The following ADRA1A variants were observed in gnomAD, a reference collection of about 807,000 sequenced individuals.
ADRA1A encodes adrenoceptor alpha 1A.
Under a neutral mutation model 29.6 loss-of-function variants are expected in ADRA1A, and 31 were observed. That is an observed-to-expected ratio of 1.05 (90% confidence interval 0.79 to 1.41). ADRA1A has a LOEUF of 1.41. Among genes scored for constraint, ADRA1A ranks in the 40% most tolerant of loss-of-function variants. ADRA1A has a pLI of 0.00. For missense variants in ADRA1A, 619 were observed against 601.1 expected (o/e 1.03, Z -0.31); for synonymous variants, 311 against 254.3 (o/e 1.22, Z -2.12).
Position 26,775,993 on chromosome 8 carries a change from C to T in ADRA1A, c.884-5327G>A, listed in dbSNP as rs1338420521. 2.0e-5 allele frequency among the ~76,000 whole-genome samples: 3 copies of T among 152,158 alleles called. No homozygotes were observed. The highest frequency in any genetic ancestry group is 7.2e-5 in the African/African-American group (3 of 41,442). Reference sequence around the variant, plus strand: ...CTGACTTCATTTTTGAACTGGGGCTCATCTAATAGGCTTATGAGGGGGCAC... The same window carrying T: ...CTGACTTCATTTTTGAACTGGGGCTTATCTAATAGGCTTATGAGGGGGCAC... On this transcript the variant is annotated intron_variant, in intron 2 of 2. Transcript: ENST00000380573. The surrounding 1 kb of genome is among the most constrained non-coding windows in gnomAD (Gnocchi z 4.1).
intron 2 of ADRA1A, among the ~76,000 whole-genome samples, chr8:26,834,021 A>G (rs1811173646): frequency 6.6e-6 from 1 of 152,228 alleles, no homozygotes; most frequent in Non-Finnish European, 1.5e-5. Flanking sequence ...AGCTGGAAAA[A>G]GTTATTAGTA....
intron 2 of ADRA1A, among the ~76,000 whole-genome samples, chr8:26,780,718 T>G (rs2130352391): frequency 6.6e-6 from 1 of 152,320 alleles, no homozygotes; most frequent in Admixed American, 6.5e-5. Flanking sequence ...CCAGTGAAGC[T>G]TCATCTGTAT....
At chr8:26,833,649 C>A (rs1811144743) in intron 2 of ADRA1A, among the ~76,000 whole-genome samples, 2 of 152,190 alleles carry the variant, frequency 1.3e-5, no homozygotes, top group African/African-American at 2.4e-5. Flanking sequence ...CTAAATCCCA[C>A]CTTCTCCTAG....
chr8:26,841,790 T>C lies in ADRA1A; in HGVS notation c.883+22297A>G, dbSNP rs1811834521. Among the ~76,000 whole-genome samples, 2 of 152,212 alleles carry C rather than the reference T, an allele frequency of 1.3e-5. No homozygotes were observed. The highest frequency in any genetic ancestry group is 2.9e-5 in the Non-Finnish European group (2 of 68,042). ...TAGGTCACAAATGACCTCAGATTACTAAACGCTATTTTTTTTCTCCTTTTC... is the reference window on the plus strand; with the variant it reads ...TAGGTCACAAATGACCTCAGATTACCAAACGCTATTTTTTTTCTCCTTTTC... On this transcript the variant is annotated intron_variant, in intron 2 of 2. Transcript: ENST00000380573. The surrounding 1 kb of genome is among the most constrained non-coding windows in gnomAD (Gnocchi z 4.4).
At chr8:26,800,927 T>C (rs1033933409) in intron 2 of ADRA1A, among the ~76,000 whole-genome samples, 20 of 152,144 alleles carry the variant, frequency 1.3e-4, no homozygotes, top group African/African-American at 4.8e-4. Flanking sequence ...AGATTATTCA[T>C]CATGACCAAC....
rs531499207 is a variant in ADRA1A, at chr8:26,864,907, C to T, written c.63G>A (p.Val21=). Reference sequence around the variant, plus strand: ...CGAGCAGAATGGCCTTGGAAATGTTCACCGGTGCCGGCGGTTGGGTGCAGT... The same window carrying T: ...CGAGCAGAATGGCCTTGGAAATGTTTACCGGTGCCGGCGGTTGGGTGCAGT... ...SSNCTQPPAP[V]NISKAILLGV... is the part of the protein sequence containing the mutation. The change falls in exon 2 of 3, where the codon GTG becomes GTA. Residue 21 remains valine (V), a synonymous_variant. Transcript: ENST00000380573. The surrounding 1 kb of genome is among the most constrained non-coding windows in gnomAD (Gnocchi z 8.1). The T allele has an allele frequency of 1.2e-4, 189 of 1,613,790 alleles. No individual in the cohort carries two copies. In the South Asian group the frequency reaches 2.0e-3, roughly 17 times the overall value.
chr8:26,851,566 G>A (rs901645273), intron 2 of ADRA1A, among the ~76,000 whole-genome samples: 3 of 152,154 alleles, frequency 2.0e-5, no homozygotes, highest in Admixed American at 6.6e-5. Flanking sequence ...TCCATTTGAT[G>A]TGAAGTACAC....
In ADRA1A at chr8:26,770,644, C is replaced by T. The variant is rs770195749; in HGVS notation, c.906G>A (p.Lys302=). Residue 302 remains lysine (K), a synonymous_variant, in exon 3 of 3, where the codon AAG becomes AAA. Coordinates refer to ENST00000380573, the MANE Select transcript of ADRA1A (RefSeq NM_000680.4). ...MPIGSFFPDF[K]PSETVFKIVF... is the part of the protein sequence containing the mutation. ...CTATTTTAAAAACTGTTTCAGAGGG[C>T]TTGAAATCAGGGAAGAAAGACCCTG... The T allele has an allele frequency of 1.1e-5, 18 of 1,611,694 alleles. No individual in the cohort carries two copies. In the South Asian group the frequency reaches 1.4e-4, roughly 13 times the overall value.
At position 26,769,907 on chromosome 8, in the gene ADRA1A, GA is replaced by G; in HGVS notation, c.*241del. On this transcript the variant is annotated 3_prime_UTR_variant, in exon 3 of 3. Coordinates refer to ENST00000380573, the MANE Select transcript of ADRA1A (RefSeq NM_000680.4). The stretch of plus-strand genomic sequence containing the variant: ...GTTGAAGTGGGCACAGAGTGACCAA[GA>G]AAGCATTAGCTGCAGGGAAATGCTG... 2 of 1,254,294 alleles carry G rather than the reference GA, an allele frequency of 1.6e-6. No individual in the cohort carries two copies. The highest frequency in any genetic ancestry group is 2.0e-6 in the Non-Finnish European group (2 of 1,000,674). 77.7% of individuals were successfully genotyped at this position (1,254,294 alleles called of 1,614,324 possible).
rs1810189379 is a variant in ADRA1A, at chr8:26,821,785, C to T, written c.883+42302G>A. ...CCCCGATCTTCACTCCTGGAAATCA[C>T]TAATCTGTTCTCTATTTCTATAATT... is the stretch of plus-strand genomic sequence containing the variant. On this transcript the variant is annotated intron_variant, in intron 2 of 2. Coordinates refer to ENST00000380573, the MANE Select transcript of ADRA1A (RefSeq NM_000680.4). This position sits in a 1 kb window ranked among gnomAD's most constrained non-coding sequence, Gnocchi z 5.6. Among the ~76,000 whole-genome samples, 1 of 152,230 alleles carries T rather than the reference C, an allele frequency of 6.6e-6. No homozygotes were observed.
chr8:26,829,110 AAC>A (rs963966214), intron 2 of ADRA1A, among the ~76,000 whole-genome samples: 3 of 152,154 alleles, frequency 2.0e-5, no homozygotes, highest in Non-Finnish European at 2.9e-5. Flanking sequence ...GGAGCTGGGA[AAC>A]ACACTAGGAG....
chr8:26,834,707 C>T (rs1458891642), intron 2 of ADRA1A, among the ~76,000 whole-genome samples: 1 of 152,232 alleles, frequency 6.6e-6, no homozygotes, highest in Non-Finnish European at 1.5e-5. Context: ...TCTGACAATA[C>T]TGAGTGCATC....
At chr8:26,748,838 C>A in intron 2 of ADRA1A, 1 of 367,696 alleles carries the variant, frequency 2.7e-6, no homozygotes, top group South Asian at 2.1e-5. Context: ...AGTGGTTTCA[C>A]CCTCCCAGCT....
intron 2 of ADRA1A, among the ~76,000 whole-genome samples, chr8:26,856,667 C>T (rs763663708): frequency 1.3e-5 from 2 of 152,188 alleles, no homozygotes; most frequent in Non-Finnish European, 2.9e-5. Context: ...AATAGTCAAG[C>T]CCTCCTTCCC....
intron 2 of ADRA1A, among the ~76,000 whole-genome samples, chr8:26,782,812 C>T (rs997116430): frequency 6.6e-6 from 1 of 152,108 alleles, no homozygotes; most frequent in Admixed American, 6.6e-5. Context: ...CTATCTCATC[C>T]TTAACATCAT....
chr8:26,857,275 T>C (rs1001077775), intron 2 of ADRA1A, among the ~76,000 whole-genome samples: 1 of 152,086 alleles, frequency 6.6e-6, no homozygotes, highest in African/African-American at 2.4e-5. Flanking sequence ...CTTTTGACCA[T>C]AGAATCATGA....
Position 26,774,231 on chromosome 8 carries a change from C to A in ADRA1A, c.884-3565G>T, listed in dbSNP as rs190035270. Among the ~76,000 whole-genome samples, 302 of 152,322 alleles carry A rather than the reference C, an allele frequency of 2.0e-3. 1 individual carries two copies. The highest frequency in any genetic ancestry group is 7.0e-3 in the African/African-American group (291 of 41,570). On this transcript the variant is annotated intron_variant, in intron 2 of 2. Coordinates refer to ENST00000380573, the MANE Select transcript of ADRA1A (RefSeq NM_000680.4). Reference sequence around the variant, plus strand: ...CCAGGGGCAGGTTGCAGGATCCATTCTCATGCTTGGAGTATTCTTCCCTTG... The same window carrying A: ...CCAGGGGCAGGTTGCAGGATCCATTATCATGCTTGGAGTATTCTTCCCTTG...
chr8:26,849,435 C>T (rs1585831243), intron 2 of ADRA1A, among the ~76,000 whole-genome samples: 3 of 152,196 alleles, frequency 2.0e-5, no homozygotes, highest in Admixed American at 2.0e-4. Context: ...TCATGCCACC[C>T]GGAGGAGAGG....
intron 2 of ADRA1A, among the ~76,000 whole-genome samples, chr8:26,838,850 A>G (rs67460965): frequency 0.036 from 5,553 of 152,304 alleles, 160 homozygotes; most frequent in Non-Finnish European, 0.055. Context: ...TAATGTCTGC[A>G]TAGGGCCACC....
Sources: allele counts gnomAD v4.1 joint callset (sites outside exome capture counted in the v4.1 genomes callset), GRCh38; gene constraint gnomAD v4.1.1; non-coding constraint Gnocchi (gnomAD v3.1); transcripts MANE v1.5; gene names NCBI Gene and HGNC (gene_info 2026-07-23, HGNC 2026-07-21).